Variants in PPP2R3A observed in about 807,000 individuals in gnomAD.
The protein encoded by PPP2R3A is serine/threonine-protein phosphatase 2A regulatory subunit B'' subunit alpha.
A neutral mutation model predicts 106.9 loss-of-function variants in PPP2R3A; 80 were observed. That is an observed-to-expected ratio of 0.75 (90% confidence interval 0.62 to 0.90). The LOEUF (loss-of-function observed/expected upper bound fraction) is 0.90, where lower values mean the gene tolerates loss of function less well. PPP2R3A is among the 40% of genes least tolerant of loss of function. The pLI is 0.00. For missense variants in PPP2R3A, 1,386 were observed against 1,350.4 expected, an observed-to-expected ratio of 1.03 and a Z score of -0.41; for synonymous variants, 483 against 468.3, an observed-to-expected ratio of 1.03 and a Z score of -0.41.
intron 3 of PPP2R3A, among the ~76,000 whole-genome samples, chr3:136,029,974 G>A (rs1934809523): frequency 6.6e-6 from 1 of 152,214 alleles, no homozygotes; most frequent in African/African-American, 2.4e-5. Context: ...GACTTTGGGA[G>A]GTCGAGGCAG....
At chr3:136,016,875 T>C (rs1168488964) in intron 2 of PPP2R3A, among the ~76,000 whole-genome samples, 2 of 152,202 alleles carry the variant, frequency 1.3e-5, no homozygotes, top group African/African-American at 4.8e-5. Context: ...CCTGAATACC[T>C]TGGGGGTTTT....
chr3:136,131,221 G>C (rs1015001947), intron 13 of PPP2R3A, among the ~76,000 whole-genome samples: 6 of 152,126 alleles, frequency 3.9e-5, no homozygotes, highest in Non-Finnish European at 8.8e-5. Flanking sequence ...CCATCAGAGT[G>C]AACAGGCAAC....
chr3:136,086,097 C>A (rs1936920262), intron 8 of PPP2R3A, among the ~76,000 whole-genome samples: 1 of 151,608 alleles, frequency 6.6e-6, no homozygotes, highest in Non-Finnish European at 1.5e-5. Flanking sequence ...TGCTGCTACA[C>A]TCCAGCCTGA....
intron 2 of PPP2R3A, among the ~76,000 whole-genome samples, chr3:136,012,467 C>CCT (rs1192555252): frequency 6.6e-6 from 1 of 152,140 alleles, no homozygotes; most frequent in Admixed American, 6.6e-5. Context: ...TATTAGGTTT[C>CCT]CTCTATCATA....
chr3:136,087,985 C>T, intron 9 of PPP2R3A, 54 bp downstream of exon 9: 1 of 1,452,708 alleles, frequency 6.9e-7, no homozygotes, highest in Non-Finnish European at 9.6e-7. Context: ...AATACCATAA[C>T]CATCTCATTT....
At chr3:136,023,202 G>A (rs774888065) in intron 2 of PPP2R3A, 4 of 1,548,982 alleles carry the variant, frequency 2.6e-6, no homozygotes, top group Non-Finnish European at 3.5e-6. Flanking sequence ...GCAGACACAG[G>A]TTTGAAATTT....
At chr3:136,114,176 C>G (rs964967954) in intron 13 of PPP2R3A, among the ~76,000 whole-genome samples, 3 of 152,116 alleles carry the variant, frequency 2.0e-5, no homozygotes, top group Non-Finnish European at 4.4e-5. Flanking sequence ...AGGGAATTCT[C>G]TCCCCTACCC....
chr3:136,125,060 C>G (rs1333306950), intron 13 of PPP2R3A, among the ~76,000 whole-genome samples: 1 of 152,220 alleles, frequency 6.6e-6, no homozygotes, highest in Non-Finnish European at 1.5e-5. Flanking sequence ...GTGGCTCACA[C>G]CTGTAATCCC....
chr3:136,097,818 TAAAAA>T (rs1190214757), intron 10 of PPP2R3A, among the ~76,000 whole-genome samples: 1 of 148,430 alleles, frequency 6.7e-6, no homozygotes, highest in Non-Finnish European at 1.5e-5. Context: ...CATTATTACT[TAAAAA>T]AAAAAGTCCC....
intron 1 of PPP2R3A, among the ~76,000 whole-genome samples, chr3:135,996,243 G>A (rs1449665620): frequency 1.3e-5 from 2 of 152,116 alleles, no homozygotes; most frequent in Admixed American, 6.5e-5. Context: ...CTTTCTCTTT[G>A]TTCCTGTTAT....
intron 1 of PPP2R3A, among the ~76,000 whole-genome samples, chr3:135,968,699 C>T (rs1937160931): frequency 6.6e-6 from 1 of 152,156 alleles, no homozygotes; most frequent in South Asian, 2.1e-4. Flanking sequence ...CCCCCAGCTA[C>T]CATTTTCCCT....
chr3:135,969,125 C>T (rs958821046), intron 1 of PPP2R3A, among the ~76,000 whole-genome samples: 4 of 151,820 alleles, frequency 2.6e-5, no homozygotes, highest in African/African-American at 7.3e-5. Flanking sequence ...TTATGTAATG[C>T]GTGTATATGT....
At chr3:136,041,020 A>G (rs535178322) in intron 4 of PPP2R3A, 58 bp downstream of exon 4, 2 of 1,433,410 alleles carry the variant, frequency 1.4e-6, no homozygotes, top group Non-Finnish European at 1.9e-6. Flanking sequence ...CCCTCATGAC[A>G]TGCTTTCTAA....
intron 2 of PPP2R3A, among the ~76,000 whole-genome samples, chr3:136,014,318 A>G (rs1220221172): frequency 6.6e-6 from 1 of 152,128 alleles, no homozygotes; most frequent in African/African-American, 2.4e-5. Flanking sequence ...TTGGTTCCAT[A>G]TAAATTTCAG....
chr3:135,980,052 C>T (rs146064947), intron 1 of PPP2R3A, among the ~76,000 whole-genome samples: 1,684 of 151,898 alleles, frequency 0.011, 68 homozygotes, highest in African/African-American at 0.034. Context: ...TATGTCTACT[C>T]TGTTTTCTTA....
chr3:136,100,347 C>CA (rs573945983), intron 10 of PPP2R3A, among the ~76,000 whole-genome samples: 42 of 141,530 alleles, frequency 3.0e-4, no homozygotes, highest in African/African-American at 7.0e-4. Flanking sequence ...CTGTCTCTAC[C>CA]AAAAAAAAAA....
chr3:136,069,515 T>C (rs1045399588), intron 5 of PPP2R3A, among the ~76,000 whole-genome samples: 1 of 152,036 alleles, frequency 6.6e-6, no homozygotes, highest in African/African-American at 2.4e-5. Context: ...GAGGCAGAGG[T>C]TGTCATAAGC....
chr3:135,979,657 A>G (rs1937512553), intron 1 of PPP2R3A, among the ~76,000 whole-genome samples: 1 of 151,868 alleles, frequency 6.6e-6, no homozygotes, highest in East Asian at 1.9e-4. Flanking sequence ...ACATGGGCAC[A>G]TGTATTGCTC....
intron 1 of PPP2R3A, among the ~76,000 whole-genome samples, chr3:135,985,647 A>C (rs1234004153): frequency 1.3e-5 from 2 of 152,180 alleles, no homozygotes; most frequent in Non-Finnish European, 1.5e-5. Flanking sequence ...ACTCACCAGT[A>C]AACTTTTTGG....
Sources: gnomAD v4.1 joint callset for allele counts (sites outside exome capture counted in the v4.1 genomes callset) on GRCh38, gnomAD v4.1.1 for gene constraint, MANE v1.5 for transcripts, NCBI Gene and HGNC (gene_info 2026-07-23, HGNC 2026-07-21) for gene names.